The following ELF2 variants were observed in gnomAD, a reference collection of about 807,000 sequenced individuals.
The protein encoded by ELF2 is ETS-related transcription factor Elf-2.
A neutral mutation model predicts 54.8 loss-of-function variants in ELF2; 11 were observed. The observed-to-expected ratio is 0.20, with a 90% CI of 0.13 to 0.33. ELF2 has a LOEUF of 0.33. Ranked by LOEUF, ELF2 falls within the 10% of genes least tolerant of loss-of-function variation. The pLI is 1.00. For missense variants in ELF2, 513 were observed against 703.0 expected (o/e 0.73, Z 3.06); for synonymous variants, 203 against 245.1 (o/e 0.83, Z 1.61).
chr4:139,118,650 A>C (rs969543129), intron 4 of ELF2, among the ~76,000 whole-genome samples: 3 of 152,180 alleles, frequency 2.0e-5, no homozygotes, highest in Non-Finnish European at 4.4e-5. Context: ...AGGAATGACA[A>C]GGAAAAAGTA....
At chr4:139,141,065 TTA>T (rs1738651232) in intron 1 of ELF2, among the ~76,000 whole-genome samples, 1 of 152,170 alleles carries the variant, frequency 6.6e-6, no homozygotes, top group South Asian at 2.1e-4. Flanking sequence ...TACCTTGAAT[TTA>T]TCTTTTCCCT....
chr4:139,093,770 A>G (rs1404628950), intron 4 of ELF2, among the ~76,000 whole-genome samples: 1 of 152,200 alleles, frequency 6.6e-6, no homozygotes, highest in African/African-American at 2.4e-5. Flanking sequence ...AAAGCCTATA[A>G]CAATTTCAAG....
intron 1 of ELF2, among the ~76,000 whole-genome samples, chr4:139,142,714 T>C (rs1360179400): frequency 2.0e-5 from 3 of 151,876 alleles, no homozygotes; most frequent in African/African-American, 7.3e-5. Flanking sequence ...ACCAGAGTGG[T>C]AGTTCTGGAG....
intron 4 of ELF2, among the ~76,000 whole-genome samples, chr4:139,075,357 G>A (rs1376693703): frequency 2.0e-5 from 3 of 152,146 alleles, no homozygotes; most frequent in Non-Finnish European, 1.5e-5. Flanking sequence ...TGAGGTCTGG[G>A]GGGCTAGCTT....
At position 139,104,771 on chromosome 4, in the gene ELF2, T is replaced by G. The variant is rs114510718; in HGVS notation, c.238+20393A>C. Reference sequence around the variant, plus strand: ...GGAATACTTAATTCCATTTGACTTGTTCCTCTGCCTCTAACCAGAGGCCTT... The same window carrying G: ...GGAATACTTAATTCCATTTGACTTGGTCCTCTGCCTCTAACCAGAGGCCTT... On this transcript the variant is annotated intron_variant, in intron 4 of 9. Coordinates refer to ENST00000686138, the MANE Select transcript of ELF2 (RefSeq NM_001331036.3). Among the ~76,000 whole-genome samples, 422 of 152,310 alleles carry G rather than the reference T, an allele frequency of 2.8e-3. 3 individuals are homozygous for G. Among genetic ancestry groups the G allele is most frequent in the African/African-American group, 9.8e-3 (408 of 41,570 alleles).
chr4:139,101,741 C>CT (rs1560811721), intron 4 of ELF2: 1 of 152,092 alleles, frequency 6.6e-6, no homozygotes, highest in Admixed American at 6.6e-5. Context: ...AAGGTTCTTC[C>CT]TTTTTTATGG....
In ELF2 at chr4:139,137,784, A is replaced by G; in HGVS notation, c.-83T>C. The G allele has an allele frequency of 6.4e-7, 1 of 1,569,948 alleles. No individual in the cohort carries two copies. The highest frequency in any genetic ancestry group is 1.2e-5 in the South Asian group (1 of 84,584). On this transcript the variant is annotated 5_prime_UTR_variant, in exon 3 of 10. It removes an upstream start codon present in the reference 5' UTR. Transcript: ENST00000686138. ...ATGGTTGCCAGTGTTATAGGTTTGC[A>G]TTATCATGTTTTAAAAGTCAATAGA... is the stretch of plus-strand genomic sequence containing the variant.
At chr4:139,134,979 T>C (rs1320178328) in intron 3 of ELF2, among the ~76,000 whole-genome samples, 1 of 152,092 alleles carries the variant, frequency 6.6e-6, no homozygotes, top group African/African-American at 2.4e-5. Flanking sequence ...ATACTCATTA[T>C]AGTTTACTAT....
At chr4:139,104,325 C>T (rs1190707379) in intron 4 of ELF2, among the ~76,000 whole-genome samples, 1 of 152,002 alleles carries the variant, frequency 6.6e-6, no homozygotes, top group Non-Finnish European at 1.5e-5. Context: ...CCCTGGTCAA[C>T]ATGGTGAAAC....
chr4:139,119,291 A>G (rs1736075043), intron 4 of ELF2, among the ~76,000 whole-genome samples: 1 of 152,100 alleles, frequency 6.6e-6, no homozygotes, highest in Non-Finnish European at 1.5e-5. Context: ...TTTCTCCCTG[A>G]CCTTTCTTTA....
intron 4 of ELF2, among the ~76,000 whole-genome samples, chr4:139,074,240 T>C (rs1729948394): frequency 1.3e-5 from 2 of 152,088 alleles, no homozygotes; most frequent in African/African-American, 4.8e-5. Context: ...CAATACTAAC[T>C]TGTGGGAAGG....
chr4:139,159,364 G>A (rs932072444), intron 1 of ELF2, among the ~76,000 whole-genome samples: 2 of 152,218 alleles, frequency 1.3e-5, no homozygotes, highest in Non-Finnish European at 2.9e-5. Flanking sequence ...CATGGAAGAG[G>A]TTATGAAATG....
chr4:139,157,726 CCTTT>C lies in ELF2; in HGVS notation c.-251-18233_-251-18230del, dbSNP rs559131604. On this transcript the variant is annotated intron_variant, in intron 1 of 9. Transcript: ENST00000686138. ...GGGCTTTGGAGATATTTTGATGCTT[CCTTT>C]ATCAGGCACGTTTTGACACTTCTAG... is the stretch of plus-strand genomic sequence containing the variant. Among the ~76,000 whole-genome samples the C allele has an allele frequency of 1.1e-4, 16 of 152,292 alleles. No homozygotes were observed. In the South Asian group the frequency reaches 3.3e-3, roughly 32 times the overall value.
At chr4:139,081,416 T>C (rs1225770376) in intron 4 of ELF2, among the ~76,000 whole-genome samples, 1 of 152,166 alleles carries the variant, frequency 6.6e-6, no homozygotes, top group African/African-American at 2.4e-5. Context: ...TATACTTGCT[T>C]AGAAACATGT....
chr4:139,102,346 C>G (rs1191487096), intron 4 of ELF2: 2 of 145,668 alleles, frequency 1.4e-5, no homozygotes, highest in African/African-American at 5.0e-5. Context: ...CACAGTGAAA[C>G]CCGGTCTCTA....
At position 139,060,507 on chromosome 4, in the gene ELF2, A is replaced by G. The variant is rs764671532; in HGVS notation, c.974T>C (p.Leu325Pro). Residue 325 changes from leucine (L) to proline (P), a missense_variant, in exon 9 of 10, where the codon CTG becomes CCG. Leu to Pro is a moderately conservative substitution (Grantham distance 98). Around this residue, in one of 3 missense-constraint regions of ELF2, gnomAD observed 291 missense variants for 366.1 expected, o/e 0.79. Transcript: ENST00000686138. ...TDEKSLERVSLSAESLLKAAS... is the reference protein window; with the variant it reads ...TDEKSLERVSPSAESLLKAAS... The stretch of plus-strand genomic sequence containing the variant: ...TGCTTTCAGGAGACTTTCTGCAGAC[A>G]GTGACACTCGTTCTAATGATTTTTC... 1.2e-6 allele frequency: 2 copies of G among 1,614,126 alleles called. No homozygotes were observed. Among genetic ancestry groups the G allele is most frequent in the African/African-American group, 2.7e-5 (2 of 74,936 alleles).
intron 4 of ELF2, among the ~76,000 whole-genome samples, chr4:139,111,883 T>C (rs1270626576): frequency 6.6e-6 from 1 of 152,200 alleles, no homozygotes; most frequent in East Asian, 1.9e-4. Flanking sequence ...AAAGAACAGT[T>C]AGCTAGATAT....
intron 3 of ELF2, among the ~76,000 whole-genome samples, chr4:139,126,533 A>G (rs1410015498): frequency 1.3e-5 from 2 of 152,152 alleles, no homozygotes; most frequent in Non-Finnish European, 2.9e-5. Context: ...ATCACTGTGA[A>G]ATATCATAAT....
intron 4 of ELF2, among the ~76,000 whole-genome samples, chr4:139,088,818 G>A (rs537318972): frequency 1.3e-5 from 2 of 152,106 alleles, no homozygotes; most frequent in East Asian, 3.9e-4. Flanking sequence ...GAGTGCAATG[G>A]CGTGATCTTG....
Sources: gnomAD v4.1 joint callset for allele counts (sites outside exome capture counted in the v4.1 genomes callset) on GRCh38, gnomAD v4.1.1 for gene constraint, gnomAD v4.1.1 regional missense constraint, MANE v1.5 for transcripts, NCBI Gene and HGNC (gene_info 2026-07-23, HGNC 2026-07-21) for gene names.